Variants in EEFSEC observed in about 807,000 individuals in gnomAD.
The protein encoded by EEFSEC is eukaryotic elongation factor, selenocysteine-tRNA specific, also known as selenocysteine-specific elongation factor.
Under a neutral mutation model 42.1 loss-of-function variants are expected in EEFSEC, and 43 were observed. The observed-to-expected ratio is 1.02, with a 90% CI of 0.80 to 1.32. The LOEUF (loss-of-function observed/expected upper bound fraction) is 1.32, where lower values mean the gene tolerates loss of function less well. Ranked by LOEUF, EEFSEC falls within the 40% of genes most tolerant of loss-of-function variation. The pLI, the probability that EEFSEC is intolerant of heterozygous loss-of-function variation, is 0.00. For synonymous variants in EEFSEC, 354 were observed against 339.1 expected (o/e 1.04, Z -0.48); for missense variants, 745 against 803.6 (o/e 0.93, Z 0.88).
chr3:128,258,280 C>T (rs1160752555), intron 2 of EEFSEC, among the ~76,000 whole-genome samples: 1 of 152,150 alleles, frequency 6.6e-6, no homozygotes. Context: ...TCTTCCAGGT[C>T]AGTGTCCCTG....
intron 6 of EEFSEC, among the ~76,000 whole-genome samples, chr3:128,381,104 G>A (rs1384904926): frequency 6.6e-6 from 1 of 152,246 alleles, no homozygotes; most frequent in African/African-American, 2.4e-5. Flanking sequence ...TTGCTATGGG[G>A]TGAAGGGAAA....
chr3:128,196,040 G>C (rs2065581538), intron 1 of EEFSEC, among the ~76,000 whole-genome samples: 1 of 152,278 alleles, frequency 6.6e-6, no homozygotes, highest in Non-Finnish European at 1.5e-5. Context: ...TTGTCCACGT[G>C]TGTGGGTCAG....
chr3:128,313,000 G>A (rs2066906714), intron 4 of EEFSEC, among the ~76,000 whole-genome samples: 1 of 152,234 alleles, frequency 6.6e-6, no homozygotes, highest in Non-Finnish European at 1.5e-5. Flanking sequence ...TCTTGGCGGT[G>A]TGAACTTGGT....
In EEFSEC at chr3:128,298,397, C is replaced by G. The variant is rs191227182; in HGVS notation, c.786+33616C>G. On this transcript the variant is annotated intron_variant, in intron 4 of 6. Coordinates refer to ENST00000254730, the MANE Select transcript of EEFSEC (RefSeq NM_021937.5). ...TCTTGGGCTCAAGCAATCCTTCTGC[C>G]TCAGCCTCCCAAAGTGCTAGGATTA... 1.5e-3 allele frequency among the ~76,000 whole-genome samples: 232 copies of G among 152,310 alleles called. 1 individual carries two copies. The highest frequency in any genetic ancestry group is 5.2e-3 in the African/African-American group (215 of 41,582).
chr3:128,217,762 T>C (rs2065824778), intron 1 of EEFSEC, among the ~76,000 whole-genome samples: 3 of 152,226 alleles, frequency 2.0e-5, no homozygotes, highest in African/African-American at 4.8e-5. Flanking sequence ...GTGATTATTG[T>C]CCTGGGGACA....
chr3:128,272,716 G>C (rs1241688442), intron 4 of EEFSEC, among the ~76,000 whole-genome samples: 1 of 152,230 alleles, frequency 6.6e-6, no homozygotes, highest in African/African-American at 2.4e-5. Flanking sequence ...TCCTGGCCTG[G>C]TTGGACGGGA....
chr3:128,329,141 C>T (rs1187074517), intron 4 of EEFSEC, among the ~76,000 whole-genome samples: 1 of 152,220 alleles, frequency 6.6e-6, no homozygotes, highest in African/African-American at 2.4e-5. Flanking sequence ...CTCCAGCACC[C>T]ACGGAGGGAG....
In EEFSEC at chr3:128,209,586, A is replaced by G. The variant is rs946140475; in HGVS notation, c.317-37250A>G. On this transcript the variant is annotated intron_variant, in intron 1 of 6. Coordinates refer to ENST00000254730, the MANE Select transcript of EEFSEC (RefSeq NM_021937.5). ...ATATATTCTGATTTAATATATTTTT[A>G]TAATCCAATTTTTAAATTGTAGATA... 4.6e-5 allele frequency among the ~76,000 whole-genome samples: 7 copies of G among 152,236 alleles called. 1 individual carries two copies. Among genetic ancestry groups the G allele is most frequent in the Middle Eastern group, 3.2e-3 (1 of 316 alleles).
chr3:128,405,430 G>A (rs1174316932), intron 6 of EEFSEC, among the ~76,000 whole-genome samples: 1 of 152,224 alleles, frequency 6.6e-6, no homozygotes, highest in Non-Finnish European at 1.5e-5. Flanking sequence ...GAGAGCAGAA[G>A]CTGGCTTTGC....
At chr3:128,298,335 A>T (rs2066731489) in intron 4 of EEFSEC, among the ~76,000 whole-genome samples, 1 of 152,070 alleles carries the variant, frequency 6.6e-6, no homozygotes, top group Non-Finnish European at 1.5e-5. Flanking sequence ...TTTTATAGAG[A>T]TGGGGTCTGC....
chr3:128,207,763 A>G (rs192118900), intron 1 of EEFSEC, among the ~76,000 whole-genome samples: 1 of 152,314 alleles, frequency 6.6e-6, no homozygotes, highest in Admixed American at 6.5e-5. Flanking sequence ...GCCAGGACTG[A>G]TAATGGGTAG....
chr3:128,347,217 C>T (rs760050072), intron 5 of EEFSEC, among the ~76,000 whole-genome samples: 32 of 151,026 alleles, frequency 2.1e-4, no homozygotes, highest in Non-Finnish European at 3.8e-4. Context: ...CATAAGTCCA[C>T]GTGTACTTCT....
intron 6 of EEFSEC, among the ~76,000 whole-genome samples, chr3:128,397,035 A>G (rs941874142): frequency 2.2e-4 from 33 of 152,156 alleles, no homozygotes; most frequent in Non-Finnish European, 4.3e-4. Flanking sequence ...CACAACACAG[A>G]GGCACCCTGG....
At chr3:128,407,084 A>G (rs1005444535) in intron 6 of EEFSEC, among the ~76,000 whole-genome samples, 1 of 152,192 alleles carries the variant, frequency 6.6e-6, no homozygotes, top group Non-Finnish European at 1.5e-5. Context: ...GGAATGGGCC[A>G]TGATCAGCAG....
chr3:128,420,940 C>T, the EEFSEC span, among the ~76,000 whole-genome samples: 11 of 152,224 alleles, frequency 7.2e-5, no homozygotes, highest in African/African-American at 2.2e-4. Context: ...ACCTGCCATC[C>T]GGACCCACCA....
intron 1 of EEFSEC, among the ~76,000 whole-genome samples, chr3:128,223,953 T>C (rs2065884745): frequency 6.6e-6 from 1 of 150,634 alleles, no homozygotes; most frequent in Non-Finnish European, 1.5e-5. Context: ...TATTATTATA[T>C]ATTTGGTCTT....
chr3:128,399,689 A>T (rs1012127964), intron 6 of EEFSEC, among the ~76,000 whole-genome samples: 4 of 151,840 alleles, frequency 2.6e-5, no homozygotes, highest in African/African-American at 9.7e-5. Context: ...AGTCGCTGTC[A>T]CTGCTCACAG....
intron 4 of EEFSEC, among the ~76,000 whole-genome samples, chr3:128,293,679 A>ACAGAAAAC: frequency 7.5e-6 from 1 of 133,452 alleles, no homozygotes; most frequent in Non-Finnish European, 1.6e-5. Context: ...AAAAAAAAAA[A>ACAGAAAAC]AAAAAAAACT....
At chr3:128,395,286 C>T (rs1172846864) in intron 6 of EEFSEC, among the ~76,000 whole-genome samples, 1 of 152,202 alleles carries the variant, frequency 6.6e-6, no homozygotes, top group Non-Finnish European at 1.5e-5. Context: ...AGACCCTCAG[C>T]CAGGGCCTCA....
Sources: gnomAD v4.1 joint callset for allele counts (sites outside exome capture counted in the v4.1 genomes callset) on GRCh38, gnomAD v4.1.1 for gene constraint, MANE v1.5 for transcripts, NCBI Gene and HGNC (gene_info 2026-07-23, HGNC 2026-07-21) for gene names.